The following CSMD1 variants were observed in gnomAD, a reference collection of about 807,000 sequenced individuals.
CSMD1 encodes CUB and sushi domain-containing protein 1.
Under a neutral mutation model 417.5 loss-of-function variants are expected in CSMD1, and 213 were observed. The observed-to-expected ratio is 0.51, with a 90% CI of 0.46 to 0.57. The LOEUF is 0.57. Ranked by LOEUF, CSMD1 falls within the 20% of genes least tolerant of loss-of-function variation. The pLI, the probability that CSMD1 is intolerant of heterozygous loss-of-function variation, is 0.00. For missense variants in CSMD1, 6,923 were observed against 4,529.7 expected (o/e 1.53, Z -15.17); for synonymous variants, 2,862 against 1,736.8 (o/e 1.65, Z -16.11).
At chr8:3,321,242 C>T (rs542486616) in intron 23 of CSMD1, among the ~76,000 whole-genome samples, 9 of 152,184 alleles carry the variant, frequency 5.9e-5, no homozygotes, top group Non-Finnish European at 1.2e-4. Context: ...ACTAACGGGT[C>T]GCCAAGACAC....
At chr8:4,921,369 C>A (rs376845387) in intron 1 of CSMD1, among the ~76,000 whole-genome samples, 1 of 152,054 alleles carries the variant, frequency 6.6e-6, no homozygotes, top group South Asian at 2.1e-4. Context: ...TAAGCTATCT[C>A]AAAAATTATC....
intron 1 of CSMD1, among the ~76,000 whole-genome samples, chr8:4,724,518 ATATGTGTG>A (rs1415162408): frequency 1.6e-4 from 22 of 138,284 alleles, no homozygotes; most frequent in South Asian, 6.9e-4. Flanking sequence ...CTTTATATAT[ATATGTGTG>A]TGTGTGTGTG....
chr8:3,814,806 T>C (rs1177553072), intron 5 of CSMD1, among the ~76,000 whole-genome samples: 1 of 152,182 alleles, frequency 6.6e-6, no homozygotes, highest in African/African-American at 2.4e-5. Context: ...CACGGTGTGA[T>C]TATTTCAAGC....
intron 12 of CSMD1, among the ~76,000 whole-genome samples, chr8:3,452,518 T>C (rs889180170): frequency 3.3e-5 from 5 of 152,232 alleles, no homozygotes; most frequent in African/African-American, 9.6e-5. Context: ...TGAGAGTTTT[T>C]AGCATGAAGT....
At chr8:3,505,446 A>T (rs1796784388) in intron 10 of CSMD1, among the ~76,000 whole-genome samples, 1 of 152,190 alleles carries the variant, frequency 6.6e-6, no homozygotes, top group Non-Finnish European at 1.5e-5. Context: ...AAATAATGGA[A>T]GATACACTTT....
chr8:3,648,516 A>G (rs2117365173), intron 7 of CSMD1, among the ~76,000 whole-genome samples: 1 of 152,286 alleles, frequency 6.6e-6, no homozygotes, highest in Non-Finnish European at 1.5e-5. Flanking sequence ...GGACCTGTTG[A>G]AAAGTTGTTG....
chr8:4,265,267 A>G (rs762509920), intron 3 of CSMD1, among the ~76,000 whole-genome samples: 22 of 152,254 alleles, frequency 1.4e-4, no homozygotes, highest in Non-Finnish European at 2.6e-4. Flanking sequence ...ATGGAATAGC[A>G]AACAAGGATA....
At chr8:4,114,826 G>A (rs923584680) in intron 3 of CSMD1, among the ~76,000 whole-genome samples, 3 of 152,144 alleles carry the variant, frequency 2.0e-5, no homozygotes, top group Admixed American at 1.3e-4. Context: ...AAAATTAGAA[G>A]GGGAGGCTGA....
intron 1 of CSMD1, among the ~76,000 whole-genome samples, chr8:4,728,852 G>T (rs542982318): frequency 1.6e-4 from 24 of 152,228 alleles, no homozygotes; most frequent in Admixed American, 1.3e-3. Flanking sequence ...CATCTACTGA[G>T]ATTAATAAAA....
chr8:3,892,157 C>T (rs565231526), intron 5 of CSMD1, among the ~76,000 whole-genome samples: 29 of 152,142 alleles, frequency 1.9e-4, no homozygotes, highest in Non-Finnish European at 3.7e-4. Context: ...AGGTAACAGC[C>T]CCAAATATAT....
At chr8:4,192,145 T>G (rs939319719) in intron 3 of CSMD1, among the ~76,000 whole-genome samples, 14 of 152,114 alleles carry the variant, frequency 9.2e-5, no homozygotes, top group Non-Finnish European at 1.8e-4. Context: ...GCGTCTTCAC[T>G]CCAGTGCACC....
At chr8:4,921,172 A>T (rs11985047) in intron 1 of CSMD1, among the ~76,000 whole-genome samples, 3,950 of 152,200 alleles carry the variant, frequency 0.026, 146 homozygotes, top group African/African-American at 0.089. Context: ...ATGGTGATTT[A>T]GGGTCAGAAA....
intron 2 of CSMD1, among the ~76,000 whole-genome samples, chr8:4,620,045 T>C (rs1801682826): frequency 6.6e-6 from 1 of 152,026 alleles, no homozygotes; most frequent in African/African-American, 2.4e-5. Context: ...TAGAATAGTA[T>C]GGTGAATGAA....
At chr8:4,740,680 T>C (rs1810545834) in intron 1 of CSMD1, among the ~76,000 whole-genome samples, 1 of 152,200 alleles carries the variant, frequency 6.6e-6, no homozygotes, top group Non-Finnish European at 1.5e-5. Context: ...GATGAGAATC[T>C]ACTCAAGGAG....
intron 2 of CSMD1, among the ~76,000 whole-genome samples, chr8:4,583,789 G>A (rs896588460): frequency 6.6e-6 from 1 of 152,152 alleles, no homozygotes; most frequent in Admixed American, 6.5e-5. Context: ...GGCCAGATAA[G>A]AGAATAAAAG....
intron 3 of CSMD1, among the ~76,000 whole-genome samples, chr8:4,366,306 A>G (rs549972239): frequency 4.6e-5 from 7 of 151,464 alleles, no homozygotes; most frequent in South Asian, 2.1e-4. Context: ...CATATGTACC[A>G]CATTTTCTTT....
chr8:4,898,908 A>G (rs981096790), intron 1 of CSMD1, among the ~76,000 whole-genome samples: 8 of 152,338 alleles, frequency 5.3e-5, no homozygotes, highest in African/African-American at 1.9e-4. Flanking sequence ...ATCGTTTAAT[A>G]AGATTAGATT....
chr8:3,511,509 C>T (rs890414533), intron 10 of CSMD1, among the ~76,000 whole-genome samples: 1 of 151,672 alleles, frequency 6.6e-6, no homozygotes, highest in Non-Finnish European at 1.5e-5. Context: ...AATCCCTGCA[C>T]TTTGGGAGGC....
intron 2 of CSMD1, among the ~76,000 whole-genome samples, chr8:4,512,586 G>A (rs1020759592): frequency 4.6e-5 from 7 of 152,090 alleles, no homozygotes; most frequent in Non-Finnish European, 8.8e-5. Context: ...TTATAGCAGG[G>A]TTGTAGGATA....
Sources: allele counts gnomAD v4.1 joint callset (sites outside exome capture counted in the v4.1 genomes callset), GRCh38; gene constraint gnomAD v4.1.1; transcripts MANE v1.5; gene names NCBI Gene and HGNC (gene_info 2026-07-23, HGNC 2026-07-21).